Variants in COPG2 observed in about 807,000 individuals in gnomAD.
COPG2 encodes coatomer subunit gamma-2.
A neutral mutation model predicts 46.3 loss-of-function variants in COPG2; 37 were observed. The ratio of observed to expected loss-of-function variants is 0.80; its 90% CI spans 0.61 to 1.05. The LOEUF (loss-of-function observed/expected upper bound fraction) is 1.05, where lower values mean the gene tolerates loss of function less well. COPG2 is among the 50% of genes least tolerant of loss of function. COPG2 has a pLI of 0.00. For synonymous variants in COPG2, 159 were observed against 129.7 expected (o/e 1.23, Z -1.53); for missense variants, 427 against 387.8 (o/e 1.10, Z -0.85).
At chr7:130,532,204 A>T (rs1799833082) in intron 20 of COPG2, among the ~76,000 whole-genome samples, 1 of 152,208 alleles carries the variant, frequency 6.6e-6, no homozygotes, top group South Asian at 2.1e-4. Flanking sequence ...GACAGCAAAC[A>T]AATGGATGTA....
In COPG2 at chr7:130,611,635, T is replaced by A. The variant is rs1164230257; in HGVS notation, c.579+517A>T. Among the ~76,000 whole-genome samples, 3 of 152,142 alleles carry A rather than the reference T, an allele frequency of 2.0e-5. 1 individual carries two copies. Among genetic ancestry groups the A allele is most frequent in the Admixed American group, 2.0e-4 (3 of 15,270 alleles). ...ACTGAATATGTTACCATAGAAGTTA[T>A]AAACATCAAGAGGGCATAAACGCCC... On this transcript the variant is annotated intron_variant, in intron 8 of 23. Transcript: ENST00000425248.
chr7:130,533,033 G>C (rs1000237688), intron 20 of COPG2, among the ~76,000 whole-genome samples: 43 of 152,060 alleles, frequency 2.8e-4, no homozygotes, highest in African/African-American at 1.0e-3. Context: ...GAGAGCAGAG[G>C]GTGAGTTTGC....
At chr7:130,638,530 G>A (rs189539276) in intron 5 of COPG2, among the ~76,000 whole-genome samples, 38 of 152,144 alleles carry the variant, frequency 2.5e-4, no homozygotes, top group Admixed American at 9.2e-4. Flanking sequence ...TACTGTGAGC[G>A]GAAAACCACC....
intron 20 of COPG2, chr7:130,510,148 T>G (rs781930579): frequency 1.9e-6 from 1 of 520,170 alleles, no homozygotes; most frequent in South Asian, 1.4e-5. Flanking sequence ...AGGTGCCTAA[T>G]TTAAGCCACT....
At chr7:130,653,222 G>A (rs1554459400) in intron 4 of COPG2, among the ~76,000 whole-genome samples, 1 of 152,142 alleles carries the variant, frequency 6.6e-6, no homozygotes, top group African/African-American at 2.4e-5. Context: ...GACTATGATA[G>A]CTTGAGTCCA....
At chr7:130,557,748 G>A (rs1336798896) in intron 12 of COPG2, among the ~76,000 whole-genome samples, 1 of 137,646 alleles carries the variant, frequency 7.3e-6, no homozygotes, top group South Asian at 2.4e-4. Context: ...CTGGGAGGGG[G>A]AGGTTGCAGA....
chr7:130,644,917 C>G (rs1181585823), intron 5 of COPG2, among the ~76,000 whole-genome samples: 3 of 151,830 alleles, frequency 2.0e-5, no homozygotes, highest in Admixed American at 6.6e-5. Context: ...CAAAAATTAG[C>G]CGGGTGTGGT....
At chr7:130,667,183 AT>A (rs1796102178) in intron 2 of COPG2, among the ~76,000 whole-genome samples, 1 of 152,216 alleles carries the variant, frequency 6.6e-6, no homozygotes, top group African/African-American at 2.4e-5. Flanking sequence ...ATACTTATCT[AT>A]ATCATACTAA....
At chr7:130,618,502 G>T (rs1794987283) in intron 5 of COPG2, among the ~76,000 whole-genome samples, 1 of 152,080 alleles carries the variant, frequency 6.6e-6, no homozygotes, top group Non-Finnish European at 1.5e-5. Flanking sequence ...TGTATCATTT[G>T]ATTGCATTGT....
chr7:130,631,243 C>G (rs1280823659), intron 5 of COPG2, among the ~76,000 whole-genome samples: 4 of 142,344 alleles, frequency 2.8e-5, no homozygotes, highest in Non-Finnish European at 6.0e-5. Flanking sequence ...ATCATCTGGG[C>G]TCACTGCAAC....
At chr7:130,647,409 T>A (rs1795634879) in intron 5 of COPG2, among the ~76,000 whole-genome samples, 1 of 152,192 alleles carries the variant, frequency 6.6e-6, no homozygotes, top group South Asian at 2.1e-4. Flanking sequence ...ATAACACACA[T>A]TTCCCACAAA....
At chr7:130,540,760 G>A (rs1799927401) in intron 20 of COPG2, among the ~76,000 whole-genome samples, 1 of 152,086 alleles carries the variant, frequency 6.6e-6, no homozygotes, top group Non-Finnish European at 1.5e-5. Context: ...GTAATGTCAG[G>A]GAGTCAAGGT....
chr7:130,574,249 TTAAG>T (rs1284604225), intron 9 of COPG2, among the ~76,000 whole-genome samples: 1 of 152,160 alleles, frequency 6.6e-6, no homozygotes, highest in African/African-American at 2.4e-5. Context: ...AAATATTATA[TTAAG>T]TGAAAGAGCA....
intron 5 of COPG2, 38 bp downstream of exon 5, chr7:130,652,831 T>A (rs782004050): frequency 7.7e-7 from 1 of 1,290,816 alleles, no homozygotes; most frequent in East Asian, 2.3e-5. Flanking sequence ...ACAGCAAATA[T>A]ATAAGTATCT....
intron 5 of COPG2, among the ~76,000 whole-genome samples, chr7:130,632,236 T>TCATCACTCCTTATCAGAAGTGG (rs1795247551): frequency 6.6e-6 from 1 of 152,230 alleles, no homozygotes; most frequent in Admixed American, 6.5e-5. Flanking sequence ...GTGGATATGG[T>TCATCACTCCTTATCAGAAGTGG]ATTCTGAGTC....
At chr7:130,610,490 CA>C (rs1554451864) in intron 9 of COPG2, 1 of 517,026 alleles carries the variant, frequency 1.9e-6, no homozygotes, top group Non-Finnish European at 3.9e-6. Flanking sequence ...TACTATACCT[CA>C]AAAGATTTCT....
In COPG2 at chr7:130,617,058, T is replaced by C. The variant is rs1794963970; in HGVS notation, c.331A>G (p.Lys111Glu). The stretch of plus-strand genomic sequence containing the variant: ...ACATCTTCTTTTCCAGTCATGTCTT[T>C]AGTCAGACTAAGAAAAATCAAATTG... ...DVIIVTSSLT[K>E]DMTGKEDVYR... is the part of the protein sequence containing the mutation. Residue 111 changes from lysine to glutamate, a missense_variant, in exon 6 of 24, where the codon AAA (lysine) becomes GAA (glutamate). Physicochemically the swap from Lys to Glu is moderately conservative, Grantham distance 56. Transcript: ENST00000425248. 1 of 1,607,190 alleles carries C rather than the reference T, an allele frequency of 6.2e-7. No individual in the cohort carries two copies.
Position 130,506,540 on chromosome 7 carries a change from G to T in COPG2, c.*136C>A, listed in dbSNP as rs1253385620. 20 of 493,966 alleles carry T rather than the reference G, an allele frequency of 4.0e-5. No individual in the cohort carries two copies. The highest frequency in any genetic ancestry group is 6.8e-5 in the Non-Finnish European group (19 of 278,954). 30.6% of individuals were successfully genotyped at this position (493,966 alleles called of 1,614,324 possible). A position where few individuals can be genotyped will look rare whatever the true frequency, so the allele number is the denominator to read the frequency against. On this transcript the variant is annotated 3_prime_UTR_variant, in exon 24 of 24. Transcript: ENST00000425248. ...AGATAGACATTTGCTTGATCTGCTGGCTCAGGGCCAAATGTTTAATTTGCT... is the reference window on the plus strand; with the variant it reads ...AGATAGACATTTGCTTGATCTGCTGTCTCAGGGCCAAATGTTTAATTTGCT...
intron 5 of COPG2, among the ~76,000 whole-genome samples, chr7:130,624,920 T>C (rs1193455974): frequency 1.3e-5 from 2 of 152,200 alleles, no homozygotes; most frequent in Non-Finnish European, 2.9e-5. Flanking sequence ...TTCCTTCGAG[T>C]AGATACCCAG....
Sources: allele counts gnomAD v4.1 joint callset (sites outside exome capture counted in the v4.1 genomes callset), GRCh38; gene constraint gnomAD v4.1.1; transcripts MANE v1.5; gene names NCBI Gene and HGNC (gene_info 2026-07-23, HGNC 2026-07-21).